Variants in HHAT observed in about 807,000 individuals in gnomAD.
The protein encoded by HHAT is hedgehog acyltransferase.
HHAT carries 47 observed loss-of-function variants against 70.8 expected under a neutral mutation model. That is an observed-to-expected ratio of 0.66 (90% CI 0.53 to 0.85). HHAT has a LOEUF of 0.85. Among genes scored for constraint, HHAT ranks in the 40% least tolerant of loss-of-function variants. The probability of loss-of-function intolerance (pLI) is 0.00; values close to 1 mark genes in which losing one functional copy is unlikely to be tolerated. For missense variants in HHAT, 609 were observed against 604.8 expected, an observed-to-expected ratio of 1.01 and a Z score of -0.07; for synonymous variants, 228 against 247.6, an observed-to-expected ratio of 0.92 and a Z score of 0.74.
At chr1:210,592,704 T>C (rs1489391152) in intron 10 of HHAT, among the ~76,000 whole-genome samples, 1 of 152,144 alleles carries the variant, frequency 6.6e-6, no homozygotes, top group Non-Finnish European at 1.5e-5. Flanking sequence ...CTCTTCGATT[T>C]CTTTCATCAG....
At chr1:210,338,603 A>G (rs906155999) in intron 1 of HHAT, among the ~76,000 whole-genome samples, 4 of 152,156 alleles carry the variant, frequency 2.6e-5, no homozygotes, top group African/African-American at 4.8e-5. Context: ...CCTCATATCA[A>G]TCTTCTGAGG....
intron 2 of HHAT, among the ~76,000 whole-genome samples, chr1:210,349,620 T>G (rs550777338): frequency 6.6e-6 from 1 of 151,720 alleles, no homozygotes; most frequent in Admixed American, 6.6e-5. Context: ...TGGGAAATAG[T>G]CTTTAGGTTG....
intron 2 of HHAT, among the ~76,000 whole-genome samples, chr1:210,355,977 C>T (rs1398618287): frequency 6.6e-6 from 1 of 152,074 alleles, no homozygotes; most frequent in Non-Finnish European, 1.5e-5. Flanking sequence ...AGTGTAGTGG[C>T]TCAGTCCTAG....
rs575494854 is a variant in HHAT, at chr1:210,329,293, C to T, written c.-44+189C>T. 179 of 1,224,130 alleles carry T rather than the reference C, an allele frequency of 1.5e-4. 1 individual carries two copies. The South Asian group carries it at 2.9e-3, about 20-fold the overall frequency. 75.8% of individuals were successfully genotyped at this position (1,224,130 alleles called of 1,614,324 possible). On this transcript the variant is annotated intron_variant, in intron 1 of 11. Coordinates refer to ENST00000261458, the MANE Select transcript of HHAT (RefSeq NM_018194.6). Reference sequence around the variant, plus strand: ...AAGAAGACAAAAGCGGCGGGGGCCGCGCGCGCAGTGCGCCCGGGCAAAGGC... The same window carrying T: ...AAGAAGACAAAAGCGGCGGGGGCCGTGCGCGCAGTGCGCCCGGGCAAAGGC...
At chr1:210,464,226 A>G (rs953047474) in intron 7 of HHAT, among the ~76,000 whole-genome samples, 1 of 152,132 alleles carries the variant, frequency 6.6e-6, no homozygotes, top group Non-Finnish European at 1.5e-5. Context: ...TTTTAATGCA[A>G]TGTACACATT....
intron 8 of HHAT, among the ~76,000 whole-genome samples, chr1:210,502,067 T>TC (rs2094767302): frequency 6.6e-6 from 1 of 151,604 alleles, no homozygotes; most frequent in Admixed American, 6.6e-5. Context: ...ATTTTGCTTA[T>TC]CAGCGGTTCA....
At chr1:210,374,283 T>C (rs376164437) in intron 3 of HHAT, 2 of 152,236 alleles carry the variant, frequency 1.3e-5, no homozygotes, top group Non-Finnish European at 2.9e-5. Context: ...TACAAATTAG[T>C]TCAACTCATT....
At chr1:210,558,837 C>T (rs934557467) in intron 9 of HHAT, among the ~76,000 whole-genome samples, 5 of 152,076 alleles carry the variant, frequency 3.3e-5, no homozygotes, top group African/African-American at 1.2e-4. Flanking sequence ...GATGGGGCAT[C>T]CTTGGGAAAG....
At chr1:210,542,211 T>G (rs2095437406) in intron 9 of HHAT, among the ~76,000 whole-genome samples, 1 of 152,178 alleles carries the variant, frequency 6.6e-6, no homozygotes, top group Non-Finnish European at 1.5e-5. Flanking sequence ...TTGATTACTC[T>G]TTCTCCATCT....
chr1:210,607,389 A>G (rs1278980901), intron 10 of HHAT, among the ~76,000 whole-genome samples: 1 of 152,038 alleles, frequency 6.6e-6, no homozygotes, highest in African/African-American at 2.4e-5. Flanking sequence ...GTTTAATTGG[A>G]TATCGCTAGA....
intron 7 of HHAT, among the ~76,000 whole-genome samples, chr1:210,447,025 G>A (rs2148380738): frequency 6.6e-6 from 1 of 152,296 alleles, no homozygotes; most frequent in African/African-American, 2.4e-5. Context: ...TATGAGTAGT[G>A]CAGCGGGTCA....
In HHAT at chr1:210,555,221, T is replaced by G. The variant is rs1323893363; in HGVS notation, c.1044-32677T>G. ...CAGCCTACAGACAGAGGCTACCTCC[T>G]TGCCATAAGCACTCACTTGAGAAGA... On this transcript the variant is annotated intron_variant, in intron 9 of 11. Coordinates refer to ENST00000261458, the MANE Select transcript of HHAT (RefSeq NM_018194.6). Among the ~76,000 whole-genome samples, 5 of 152,152 alleles carry G rather than the reference T, an allele frequency of 3.3e-5. No homozygotes were observed. The East Asian group carries it at 9.7e-4, about 29-fold the overall frequency.
chr1:210,607,780 G>A (rs547744017), intron 10 of HHAT, among the ~76,000 whole-genome samples: 1 of 149,766 alleles, frequency 6.7e-6, no homozygotes, highest in Non-Finnish European at 1.5e-5. Context: ...AGTCATTCAC[G>A]ACCATATGCC....
intron 9 of HHAT, among the ~76,000 whole-genome samples, chr1:210,585,483 G>A (rs554714401): frequency 8.5e-5 from 13 of 152,224 alleles, no homozygotes; most frequent in African/African-American, 2.6e-4. Flanking sequence ...CATGTTTTCA[G>A]CTCACTGCAA....
At chr1:210,473,853 G>A (rs2094253636) in intron 8 of HHAT, among the ~76,000 whole-genome samples, 1 of 152,182 alleles carries the variant, frequency 6.6e-6, no homozygotes, top group Admixed American at 6.5e-5. Context: ...GGGTCTGCTA[G>A]CTCTACCTTA....
At chr1:210,343,144 G>A (rs1469074129) in intron 1 of HHAT, among the ~76,000 whole-genome samples, 1 of 152,072 alleles carries the variant, frequency 6.6e-6, no homozygotes, top group Non-Finnish European at 1.5e-5. Flanking sequence ...CCCAGGCACA[G>A]TGTTTCTTGT....
chr1:210,380,509 C>CA (rs2090548325), intron 3 of HHAT, among the ~76,000 whole-genome samples: 1 of 152,024 alleles, frequency 6.6e-6, no homozygotes, highest in Non-Finnish European at 1.5e-5. Flanking sequence ...CACTGCACTC[C>CA]AGCCTGGGCG....
chr1:210,487,977 A>G (rs758752614), intron 8 of HHAT, among the ~76,000 whole-genome samples: 103 of 152,276 alleles, frequency 6.8e-4, no homozygotes, highest in Non-Finnish European at 1.3e-3. Context: ...TCTTCTCTGT[A>G]GCTCAGATGA....
intron 6 of HHAT, among the ~76,000 whole-genome samples, chr1:210,415,422 C>T (rs1243726675): frequency 1.3e-5 from 2 of 152,174 alleles, no homozygotes; most frequent in Non-Finnish European, 2.9e-5. Flanking sequence ...CCTGGGGTCA[C>T]TAGTGCATCT....
Sources: allele counts gnomAD v4.1 joint callset (sites outside exome capture counted in the v4.1 genomes callset), GRCh38; gene constraint gnomAD v4.1.1; transcripts MANE v1.5; gene names NCBI Gene and HGNC (gene_info 2026-07-23, HGNC 2026-07-21).